The following TBCEL variants were observed in gnomAD, a reference collection of about 807,000 sequenced individuals.
TBCEL encodes tubulin-specific chaperone cofactor E-like protein.
TBCEL carries 15 observed loss-of-function variants against 44.2 expected under a neutral mutation model. The ratio of observed to expected loss-of-function variants is 0.34; its 90% CI spans 0.23 to 0.52. The LOEUF (loss-of-function observed/expected upper bound fraction) is 0.52, where lower values mean the gene tolerates loss of function less well. TBCEL is among the 20% of genes least tolerant of loss of function. The pLI is 0.95. For missense variants in TBCEL, 319 were observed against 506.3 expected, an observed-to-expected ratio of 0.63 and a Z score of 3.55; for synonymous variants, 171 against 185.4, an observed-to-expected ratio of 0.92 and a Z score of 0.63.
chr11:121,055,860 C>G (rs905783180), intron 6 of TBCEL, among the ~76,000 whole-genome samples: 4 of 151,564 alleles, frequency 2.6e-5, no homozygotes, highest in African/African-American at 9.7e-5. Flanking sequence ...TTCATATACC[C>G]CTTGTTCCCA....
At chr11:121,078,361 CCTGT>C (rs1946067672) in intron 8 of TBCEL, among the ~76,000 whole-genome samples, 1 of 152,086 alleles carries the variant, frequency 6.6e-6, no homozygotes, top group Admixed American at 6.5e-5. Flanking sequence ...CTCGTCTCTC[CCTGT>C]CTAATGGTTT....
chr11:121,031,587 C>A (rs1945144368), intron 1 of TBCEL, among the ~76,000 whole-genome samples: 3 of 146,956 alleles, frequency 2.0e-5, no homozygotes, highest in Admixed American at 2.0e-4. Flanking sequence ...TTGCAAGTAT[C>A]TTTTTTCCAG....
intron 1 of TBCEL, among the ~76,000 whole-genome samples, chr11:121,029,781 C>A (rs1391159851): frequency 6.8e-6 from 1 of 146,502 alleles, no homozygotes; most frequent in Non-Finnish European, 1.5e-5. Flanking sequence ...TTTTTCTTCT[C>A]ATTCTGCCAT....
At chr11:121,044,619 C>A (rs867165298) in intron 2 of TBCEL, among the ~76,000 whole-genome samples, 1 of 152,146 alleles carries the variant, frequency 6.6e-6, no homozygotes, top group Non-Finnish European at 1.5e-5. Flanking sequence ...TCAATTTTAG[C>A]TGCCTATATT....
intron 1 of TBCEL, among the ~76,000 whole-genome samples, chr11:121,027,934 T>C (rs762222472): frequency 1.2e-4 from 18 of 152,076 alleles, no homozygotes; most frequent in East Asian, 1.9e-4. Flanking sequence ...CGGCAAGGCA[T>C]TGTGGCTCAC....
intron 1 of TBCEL, among the ~76,000 whole-genome samples, chr11:121,030,541 T>A (rs930161819): frequency 6.6e-6 from 1 of 152,158 alleles, no homozygotes; most frequent in African/African-American, 2.4e-5. Flanking sequence ...TGGACAAAAT[T>A]GGGCAAAATT....
At chr11:121,028,758 T>C (rs1038810789) in intron 1 of TBCEL, among the ~76,000 whole-genome samples, 1 of 152,204 alleles carries the variant, frequency 6.6e-6, no homozygotes, top group African/African-American at 2.4e-5. Flanking sequence ...ACAAACAAAT[T>C]GCTCATATGG....
intron 3 of TBCEL, among the ~76,000 whole-genome samples, chr11:121,046,903 C>T (rs1218779697): frequency 1.3e-5 from 2 of 152,002 alleles, no homozygotes; most frequent in African/African-American, 4.8e-5. Flanking sequence ...TTAAAGAAGG[C>T]TAATTTTCAT....
At chr11:121,085,143 A>C (rs1946193101) in intron 8 of TBCEL, among the ~76,000 whole-genome samples, 1 of 151,948 alleles carries the variant, frequency 6.6e-6, no homozygotes, top group South Asian at 2.1e-4. Context: ...GGTTCAAGCG[A>C]TTCTTCTGCC....
At chr11:121,058,615 C>A in intron 7 of TBCEL, 144 bp downstream of exon 7, 3 of 1,014,916 alleles carry the variant, frequency 3.0e-6, no homozygotes, top group South Asian at 1.5e-5. Context: ...CCTGTAGCTC[C>A]AAATCCTGGA....
chr11:121,043,935 A>C (rs1020492973), intron 2 of TBCEL, among the ~76,000 whole-genome samples: 2 of 152,048 alleles, frequency 1.3e-5, no homozygotes, highest in Non-Finnish European at 2.9e-5. Context: ...GGCACTTCAA[A>C]TTGAACACGT....
chr11:121,075,923 C>G (rs1438008574), intron 8 of TBCEL, among the ~76,000 whole-genome samples: 2 of 151,904 alleles, frequency 1.3e-5, no homozygotes, highest in Non-Finnish European at 2.9e-5. Flanking sequence ...GTGCCAGTTA[C>G]TCCAGCAATA....
At chr11:121,079,903 C>T (rs1240122289) in intron 8 of TBCEL, among the ~76,000 whole-genome samples, 1 of 152,138 alleles carries the variant, frequency 6.6e-6, no homozygotes, top group African/African-American at 2.4e-5. Flanking sequence ...CAACCTCCAC[C>T]TCCCCGGTTC....
Position 121,047,646 on chromosome 11 carries a change from C to T in TBCEL, c.252C>T (p.Asn84=), listed in dbSNP as rs904146300. The stretch of plus-strand genomic sequence containing the variant: ...TGTCGGAACTAGATCTTTCTGACAA[C>T]AAACTCGAAGACTGGCATGAGGTGA... ...AHVSELDLSD[N]KLEDWHEVSK... Residue 84 remains asparagine (N), a synonymous_variant, in exon 4 of 9, where the codon AAC becomes AAT. Coordinates refer to ENST00000683345, the MANE Select transcript of TBCEL (RefSeq NM_001363644.2). 19 of 1,612,470 alleles carry T rather than the reference C, an allele frequency of 1.2e-5. No homozygotes were observed. The East Asian group carries it at 4.2e-4, about 36-fold the overall frequency.
intron 7 of TBCEL, 114 bp from the exon 8 acceptor site, chr11:121,059,855 A>G (rs1187832645): frequency 3.3e-5 from 24 of 737,882 alleles, no homozygotes; most frequent in Non-Finnish European, 3.1e-5. Context: ...ATGGAACTAC[A>G]TCAAATGTGT....
chr11:121,069,771 G>A (rs1210875490), intron 8 of TBCEL, among the ~76,000 whole-genome samples: 11 of 151,860 alleles, frequency 7.2e-5, no homozygotes, highest in Non-Finnish European at 1.6e-4. Context: ...CAGCCTGGGC[G>A]ACAAAGCTAG....
rs867869764 is a variant in TBCEL at position 121,090,073 on chromosome 11, A to C, written c.*2977A>C. 5.4e-4 allele frequency: 82 copies of C among 152,288 alleles called. No homozygotes were observed. Among genetic ancestry groups the C allele is most frequent in the African/African-American group, 1.9e-3 (80 of 41,558 alleles). 9.4% of individuals were successfully genotyped at this position (152,288 alleles called of 1,614,324 possible). ...TGCAGCCTTTTGCCAGCATTGCCATAAATACGTAAGAAAGCAGCAGATAGT... is the reference window on the plus strand; with the variant it reads ...TGCAGCCTTTTGCCAGCATTGCCATCAATACGTAAGAAAGCAGCAGATAGT... On this transcript the variant is annotated 3_prime_UTR_variant, in exon 9 of 9. Transcript: ENST00000683345.
chr11:121,048,976 G>T (rs997578413), intron 4 of TBCEL, among the ~76,000 whole-genome samples: 1 of 151,726 alleles, frequency 6.6e-6, no homozygotes, highest in Non-Finnish European at 1.5e-5. Flanking sequence ...TCAGATTATC[G>T]CAGAGCACCT....
At chr11:121,085,897 T>TA (rs1216808242) in intron 8 of TBCEL, among the ~76,000 whole-genome samples, 1 of 152,204 alleles carries the variant, frequency 6.6e-6, no homozygotes, top group Non-Finnish European at 1.5e-5. Context: ...GTGGAGGAAG[T>TA]AGGGGGATAA....
Sources: allele counts gnomAD v4.1 joint callset (sites outside exome capture counted in the v4.1 genomes callset), GRCh38; gene constraint gnomAD v4.1.1; transcripts MANE v1.5; gene names NCBI Gene and HGNC (gene_info 2026-07-23, HGNC 2026-07-21).